The following ABCE1 variants were observed in gnomAD, a reference collection of about 807,000 sequenced individuals.
ABCE1 encodes the protein ATP-binding cassette sub-family E member 1.
Under a neutral mutation model 83.4 loss-of-function variants are expected in ABCE1, and 22 were observed. The observed-to-expected ratio is 0.26, with a 90% CI of 0.19 to 0.38. The LOEUF (loss-of-function observed/expected upper bound fraction) is 0.38. Ranked by LOEUF, ABCE1 falls within the 10% of genes least tolerant of loss-of-function variation. ABCE1 has a pLI of 1.00. For missense variants in ABCE1, 330 were observed against 721.9 expected (o/e 0.46, Z 6.22); for synonymous variants, 204 against 233.7 (o/e 0.87, Z 1.16).
At chr4:145,125,601 A>G (rs1340122529) in intron 17 of ABCE1, among the ~76,000 whole-genome samples, 1 of 152,126 alleles carries the variant, frequency 6.6e-6, no homozygotes, top group African/African-American at 2.4e-5. Flanking sequence ...TGCTGTGTGA[A>G]CTCAAGAGCT....
chr4:145,119,861 G>A, intron 10 of ABCE1, 71 bp from the exon 11 acceptor site: 1 of 1,104,836 alleles, frequency 9.1e-7, no homozygotes, highest in Non-Finnish European at 1.3e-6. Flanking sequence ...ATAGTCTATA[G>A]ATTGCTCCCA....
intron 8 of ABCE1, 27 bp from the exon 9 acceptor site, chr4:145,112,212 T>C: frequency 6.9e-7 from 1 of 1,454,868 alleles, no homozygotes; most frequent in Non-Finnish European, 9.3e-7. Flanking sequence ...CAAACTTATA[T>C]TTGCTTTTTT....
In ABCE1 at chr4:145,109,162, G is replaced by T; in HGVS notation, c.318G>T (p.Leu106Phe). 6.2e-7 allele frequency: 1 copy of T among 1,612,080 alleles called. No individual in the cohort carries two copies. Among genetic ancestry groups the T allele is most frequent in the Non-Finnish European group, 8.5e-7 (1 of 1,179,292 alleles). The change falls in exon 5 of 18, where the codon TTG becomes TTT. Residue 106 changes from leucine (L) to phenylalanine (F), a missense_variant. By Grantham distance (22) the Leu-to-Phe change is conservative (BLOSUM62 0). Transcript: ENST00000296577. ...RLPIPRPGEVLGLVGTNGIGK... is the reference protein window; with the variant it reads ...RLPIPRPGEVFGLVGTNGIGK... ...CTATCCCTCGTCCAGGTGAAGTTTT[G>T]GGATTAGTTGGAACTAATGGTATTG...
At chr4:145,116,461 A>C (rs1156844944) in intron 9 of ABCE1, among the ~76,000 whole-genome samples, 1 of 151,942 alleles carries the variant, frequency 6.6e-6, no homozygotes, top group Non-Finnish European at 1.5e-5. Flanking sequence ...ATAAAATGTC[A>C]TTTTTGAGGG....
intron 17 of ABCE1, among the ~76,000 whole-genome samples, chr4:145,125,924 C>A (rs1277726036): frequency 6.6e-6 from 1 of 151,988 alleles, no homozygotes; most frequent in African/African-American, 2.4e-5. Flanking sequence ...GCCTGTAATC[C>A]CAGCTACTCG....
chr4:145,107,712 G>A (rs966043088), intron 3 of ABCE1, among the ~76,000 whole-genome samples: 1 of 152,178 alleles, frequency 6.6e-6, no homozygotes, highest in Non-Finnish European at 1.5e-5. Context: ...AGAAAGGGCT[G>A]ACTTTTTCTT....
chr4:145,113,405 G>A (rs1377312116), intron 9 of ABCE1, among the ~76,000 whole-genome samples: 2 of 152,122 alleles, frequency 1.3e-5, no homozygotes, highest in Non-Finnish European at 2.9e-5. Context: ...TATAACCAGT[G>A]GAATCTGTGA....
intron 9 of ABCE1, among the ~76,000 whole-genome samples, chr4:145,114,081 G>A (rs942915220): frequency 2.6e-5 from 4 of 152,126 alleles, no homozygotes; most frequent in African/African-American, 7.2e-5. Flanking sequence ...ACTAATTCAT[G>A]TAGATACTTT....
intron 10 of ABCE1, among the ~76,000 whole-genome samples, chr4:145,119,502 ATATGTGCT>A (rs1252368098): frequency 6.6e-6 from 1 of 151,944 alleles, no homozygotes; most frequent in Non-Finnish European, 1.5e-5. Context: ...TAACCTCAAA[ATATGTGCT>A]TATGTCTCAT....
At chr4:145,103,053 G>T (rs1274833780) in intron 1 of ABCE1, among the ~76,000 whole-genome samples, 3 of 152,076 alleles carry the variant, frequency 2.0e-5, no homozygotes, top group Non-Finnish European at 4.4e-5. Context: ...TTCAAAGAAT[G>T]AAAGGGAGTG....
chr4:145,125,910 A>T (rs1009215106), intron 17 of ABCE1, among the ~76,000 whole-genome samples: 4 of 151,962 alleles, frequency 2.6e-5, no homozygotes, highest in African/African-American at 9.7e-5. Context: ...GCGTGGTGGC[A>T]TGCGCCTGTA....
At chr4:145,116,598 T>C (rs902832314) in intron 9 of ABCE1, among the ~76,000 whole-genome samples, 1 of 151,934 alleles carries the variant, frequency 6.6e-6, no homozygotes, top group Non-Finnish European at 1.5e-5. Flanking sequence ...GATATGGAAA[T>C]GGGAATAAAG....
rs1459571139 is a variant in ABCE1, at chr4:145,117,352, G to T, written c.860G>T (p.Cys287Phe). The T allele has an allele frequency of 1.2e-6, 2 of 1,610,664 alleles. No homozygotes were observed. Among genetic ancestry groups the T allele is most frequent in the African/African-American group, 2.7e-5 (2 of 74,778 alleles). Residue 287 changes from cysteine (C) to phenylalanine (F), a missense_variant, in exon 10 of 18, where the codon TGC becomes TTC. Coordinates refer to ENST00000296577, the MANE Select transcript of ABCE1 (RefSeq NM_002940.3). ...SVLDYLSDFI[C>F]CLYGVPSAYG... ...TTAGACTATCTCTCCGACTTCATCT[G>T]CTGTTTATATGGTGTACCAAGCGCC...
chr4:145,099,507 G>A (rs1560954130), intron 1 of ABCE1, among the ~76,000 whole-genome samples: 1 of 152,298 alleles, frequency 6.6e-6, no homozygotes, highest in East Asian at 1.9e-4. Flanking sequence ...TGAGCTTTTT[G>A]AGAACTTAGT....
intron 1 of ABCE1, among the ~76,000 whole-genome samples, chr4:145,102,322 A>G (rs1220100993): frequency 1.3e-5 from 2 of 152,206 alleles, no homozygotes; most frequent in African/African-American, 4.8e-5. Flanking sequence ...GTAGTCTTGA[A>G]GAAGGAAAAA....
Position 145,129,479 on chromosome 4 carries a change from T to TAA in ABCE1, c.*1906_*1907insAA, listed in dbSNP as rs1749982342. ...ACAGTTTATTATACTACCATTTTTG[T>TAA]GAAAATATACAAAATATTGAAATAA... On this transcript the variant is annotated 3_prime_UTR_variant, in exon 18 of 18. Transcript: ENST00000296577. Among the ~76,000 whole-genome samples the TAA allele has an allele frequency of 6.6e-6, 1 of 152,092 alleles. No individual in the cohort carries two copies. The highest frequency in any genetic ancestry group is 2.4e-5 in the African/African-American group (1 of 41,394).
At chr4:145,114,859 TGATA>T (rs774054661) in intron 9 of ABCE1, among the ~76,000 whole-genome samples, 115 of 152,038 alleles carry the variant, frequency 7.6e-4, no homozygotes, top group Non-Finnish European at 1.4e-3. Context: ...CTCTATGTAG[TGATA>T]GATTGATGAT....
rs541016069 is a variant in ABCE1, at chr4:145,120,926, A to G, written c.1145-248A>G. The G allele has an allele frequency of 8.9e-6, 4 of 449,356 alleles. No homozygotes were observed. In the East Asian group the frequency reaches 1.2e-4, roughly 13 times the overall value. The allele number at this position is 449,356 out of a possible 1,614,324, so 27.8% of individuals were successfully genotyped here. ...CAAACTATTGCAGGATTTAAACTTT[A>G]TAGACATACCATTTATTAAAATTGT... On this transcript the variant is annotated intron_variant, in intron 11 of 17. Coordinates refer to ENST00000296577, the MANE Select transcript of ABCE1 (RefSeq NM_002940.3).
At chr4:145,124,694 C>G (rs750094166) in intron 16 of ABCE1, among the ~76,000 whole-genome samples, 2 of 152,080 alleles carry the variant, frequency 1.3e-5, no homozygotes, top group Non-Finnish European at 2.9e-5. Context: ...TATTAATTAT[C>G]TTCTGTTTTT....
Sources: allele counts gnomAD v4.1 joint callset (sites outside exome capture counted in the v4.1 genomes callset), GRCh38; gene constraint gnomAD v4.1.1; transcripts MANE v1.5; gene names NCBI Gene and HGNC (gene_info 2026-07-23, HGNC 2026-07-21).